Variants in TANC2 observed in about 807,000 individuals in gnomAD.
The protein encoded by TANC2 is protein TANC2.
Under a neutral mutation model 210.5 loss-of-function variants are expected in TANC2, and 26 were observed. The ratio of observed to expected loss-of-function variants is 0.12; its 90% confidence interval spans 0.09 to 0.17. TANC2 has a LOEUF of 0.17. Among genes scored for constraint, TANC2 ranks in the 10% least tolerant of loss-of-function variants. The pLI, the probability that TANC2 is intolerant of heterozygous loss-of-function variation, is 1.00. For missense variants in TANC2, 2,129 were observed against 2,608.9 expected, an observed-to-expected ratio of 0.82 and a Z score of 4.01; for synonymous variants, 931 against 967.1, an observed-to-expected ratio of 0.96 and a Z score of 0.69.
At chr17:63,022,229 C>A (rs1387800198) in intron 2 of TANC2, among the ~76,000 whole-genome samples, 3 of 151,358 alleles carry the variant, frequency 2.0e-5, no homozygotes, top group African/African-American at 7.3e-5. Context: ...GTAATCCCAG[C>A]TACTTGGGAG....
intron 2 of TANC2, among the ~76,000 whole-genome samples, chr17:63,015,469 C>T (rs1205818247): frequency 6.6e-6 from 1 of 152,098 alleles, no homozygotes; most frequent in African/African-American, 2.4e-5. Context: ...CCTCCCCCCG[C>T]TTCCCACCCC....
chr17:63,143,943 A>G (rs2039377393), intron 4 of TANC2, among the ~76,000 whole-genome samples: 1 of 152,178 alleles, frequency 6.6e-6, no homozygotes, highest in Non-Finnish European at 1.5e-5. Context: ...GCCTGAGTCC[A>G]GGAGTTTGAA....
At chr17:63,344,065 CA>C (rs1388929015) in intron 12 of TANC2, among the ~76,000 whole-genome samples, 1 of 152,218 alleles carries the variant, frequency 6.6e-6, no homozygotes, top group African/African-American at 2.4e-5. Flanking sequence ...TGTTAGGAAC[CA>C]GGCCACACAG....
chr17:63,350,234 C>T (rs1039147778), intron 12 of TANC2, among the ~76,000 whole-genome samples: 3 of 152,134 alleles, frequency 2.0e-5, no homozygotes, highest in African/African-American at 4.8e-5. Flanking sequence ...CTGTCCTCGG[C>T]TTCTTCTTTT....
intron 8 of TANC2, among the ~76,000 whole-genome samples, chr17:63,247,718 A>T (rs1598700095): frequency 6.6e-6 from 1 of 152,146 alleles, no homozygotes; most frequent in East Asian, 1.9e-4. Context: ...ATCAGAGATC[A>T]GATAGCTCTG....
chr17:63,401,599 AT>A (rs2048346083), intron 19 of TANC2, among the ~76,000 whole-genome samples: 2 of 152,140 alleles, frequency 1.3e-5, no homozygotes, highest in African/African-American at 4.8e-5. Flanking sequence ...TTCATCTTCC[AT>A]TTGCAGCCTC....
intron 5 of TANC2, among the ~76,000 whole-genome samples, chr17:63,155,942 CT>C (rs1196455900): frequency 3.3e-5 from 5 of 152,100 alleles, no homozygotes; most frequent in Admixed American, 2.6e-4. Flanking sequence ...CTTGAACTGT[CT>C]TTTCCCAACT....
At chr17:63,000,044 A>G (rs2033300047) in intron 1 of TANC2, among the ~76,000 whole-genome samples, 1 of 152,192 alleles carries the variant, frequency 6.6e-6, no homozygotes, top group Non-Finnish European at 1.5e-5. Flanking sequence ...ACGCATGGAC[A>G]CAAAGAAAGG....
chr17:63,083,206 G>A (rs2036842337), intron 3 of TANC2, among the ~76,000 whole-genome samples: 1 of 152,168 alleles, frequency 6.6e-6, no homozygotes, highest in Non-Finnish European at 1.5e-5. Context: ...GTGTCATGCA[G>A]AGCCATGACA....
At chr17:63,129,245 C>T (rs2038827430) in intron 4 of TANC2, among the ~76,000 whole-genome samples, 1 of 152,108 alleles carries the variant, frequency 6.6e-6, no homozygotes, top group Non-Finnish European at 1.5e-5. Context: ...CCCAAGCAGA[C>T]CTCCTGCCTC....
chr17:63,099,492 C>CA, intron 4 of TANC2, 135 bp downstream of exon 4: 1 of 385,482 alleles, frequency 2.6e-6, no homozygotes, highest in Non-Finnish European at 3.9e-6. Context: ...ACTCTTGACA[C>CA]TAAAAAAAAA....
intron 2 of TANC2, among the ~76,000 whole-genome samples, chr17:63,018,092 C>T (rs1159344319): frequency 3.9e-5 from 6 of 152,064 alleles, no homozygotes; most frequent in African/African-American, 4.8e-5. Flanking sequence ...TGCACCACTG[C>T]ACTCCAGCCT....
At chr17:63,379,169 T>G (rs867802676) in intron 14 of TANC2, among the ~76,000 whole-genome samples, 15 of 152,312 alleles carry the variant, frequency 9.8e-5, no homozygotes, top group African/African-American at 3.6e-4. Flanking sequence ...TAATGCCATC[T>G]GTGTGTGGGA....
At position 63,370,989 on chromosome 17, in the gene TANC2, C is replaced by T. The variant is rs1337139725; in HGVS notation, c.2583-8729C>T. ...TGGAGGCCGCCAGCCATCTCTGCCT[C>T]ATAATTCTCGTCTCACTAGGTCTCT... is the stretch of plus-strand genomic sequence containing the variant. On this transcript the variant is annotated intron_variant, in intron 14 of 27. Transcript: ENST00000689528. Among the ~76,000 whole-genome samples, 5 of 152,338 alleles carry T rather than the reference C, an allele frequency of 3.3e-5. No individual in the cohort carries two copies. In the East Asian group the frequency reaches 9.6e-4, roughly 29 times the overall value.
At chr17:63,212,051 C>T (rs1567819433) in intron 7 of TANC2, among the ~76,000 whole-genome samples, 2 of 152,124 alleles carry the variant, frequency 1.3e-5, no homozygotes, top group Admixed American at 1.3e-4. Context: ...CACAACAGGC[C>T]CCGGTGTGTG....
intron 5 of TANC2, among the ~76,000 whole-genome samples, chr17:63,173,717 A>G (rs974202156): frequency 6.6e-6 from 1 of 152,176 alleles, no homozygotes; most frequent in African/African-American, 2.4e-5. Context: ...TCCTGTTAAT[A>G]TTGGGGTGAT....
Position 63,255,105 on chromosome 17 carries a change from TTTTA to T in TANC2, c.1034-12631_1034-12628del, listed in dbSNP as rs1222180967. Among the ~76,000 whole-genome samples the T allele has an allele frequency of 1.1e-3, 147 of 135,482 alleles. 1 individual carries two copies. Among genetic ancestry groups the T allele is most frequent in the African/African-American group, 4.1e-3 (131 of 31,732 alleles). The allele number at this position is 135,482 out of a possible 152,430, so 88.9% of individuals were successfully genotyped here. A position where few individuals can be genotyped will look rare whatever the true frequency, so the allele number is the denominator to read the frequency against. On this transcript the variant is annotated intron_variant, in intron 8 of 27. Coordinates refer to ENST00000689528, the Ensembl canonical transcript of TANC2. ...TTTATTTATTTATTTATTTATTTATTTTTATTTATTTATTTTTGAGACGAAGTCT... is the reference window on the plus strand; with the variant it reads ...TTTATTTATTTATTTATTTATTTATTTTTATTTATTTTTGAGACGAAGTCT...
intron 15 of TANC2, among the ~76,000 whole-genome samples, chr17:63,382,068 C>T (rs1483685616): frequency 1.3e-5 from 2 of 152,166 alleles, no homozygotes; most frequent in South Asian, 4.1e-4. Flanking sequence ...ACCAAACTGA[C>T]GCTCTTTTCT....
intron 11 of TANC2, among the ~76,000 whole-genome samples, chr17:63,327,608 A>G (rs2045692052): frequency 1.3e-5 from 2 of 152,212 alleles, no homozygotes; most frequent in Non-Finnish European, 2.9e-5. Flanking sequence ...TGTTCTATAT[A>G]TAAATATAAA....
Sources: gnomAD v4.1 joint callset for allele counts (sites outside exome capture counted in the v4.1 genomes callset) on GRCh38, gnomAD v4.1.1 for gene constraint, MANE v1.5 for transcripts, NCBI Gene and HGNC (gene_info 2026-07-23, HGNC 2026-07-21) for gene names.